Variants in MAF observed in about 807,000 individuals in gnomAD.
MAF encodes MAF bZIP transcription factor, also known as transcription factor Maf.
MAF carries 10 observed loss-of-function variants against 22.0 expected under a neutral mutation model. The observed-to-expected ratio is 0.45, with a 90% CI of 0.28 to 0.77. The LOEUF (loss-of-function observed/expected upper bound fraction) is 0.77, where lower values mean the gene tolerates loss of function less well. Ranked by LOEUF, MAF falls within the 30% of genes least tolerant of loss-of-function variation. The pLI is 0.12. For missense variants in MAF, 544 were observed against 548.4 expected, an observed-to-expected ratio of 0.99 and a Z score of 0.08; for synonymous variants, 337 against 255.8, an observed-to-expected ratio of 1.32 and a Z score of -3.03.
the MAF span, among the ~76,000 whole-genome samples, chr16:79,521,499 T>C: frequency 6.6e-6 from 1 of 152,264 alleles, no homozygotes; most frequent in African/African-American, 2.4e-5. Context: ...GTTCTTCCTG[T>C]GGTGGACTTC....
the MAF span, among the ~76,000 whole-genome samples, chr16:79,509,264 C>T: frequency 2.0e-5 from 3 of 152,122 alleles, no homozygotes; most frequent in African/African-American, 7.2e-5. Context: ...GAAGTGGAGA[C>T]GTGAACCATG....
the MAF span, among the ~76,000 whole-genome samples, chr16:79,223,299 G>C: frequency 6.6e-6 from 1 of 152,008 alleles, no homozygotes; most frequent in African/African-American, 2.4e-5. Context: ...CAGAAATAAA[G>C]TTCTTTCAAA....
the MAF span, among the ~76,000 whole-genome samples, chr16:79,579,942 C>A: frequency 6.6e-6 from 1 of 152,168 alleles, no homozygotes; most frequent in East Asian, 1.9e-4. Context: ...CCTACCAATA[C>A]TTGAGAAAAT....
the MAF span, among the ~76,000 whole-genome samples, chr16:79,334,905 G>GA: frequency 6.6e-6 from 1 of 151,896 alleles, no homozygotes; most frequent in Non-Finnish European, 1.5e-5. Context: ...CATACATAGA[G>GA]GCTGGGTGCA....
At chr16:79,356,127 C>A in the MAF span, among the ~76,000 whole-genome samples, 1 of 152,188 alleles carries the variant, frequency 6.6e-6, no homozygotes, top group East Asian at 1.9e-4. Flanking sequence ...ACACTCAATG[C>A]ACTTATGCAT....
At chr16:79,384,402 G>C in the MAF span, among the ~76,000 whole-genome samples, 10 of 142,108 alleles carry the variant, frequency 7.0e-5, no homozygotes, top group Non-Finnish European at 6.0e-5. Flanking sequence ...CCAAGATTAC[G>C]CTACTGTATC....
chr16:79,398,122 C>G, the MAF span, among the ~76,000 whole-genome samples: 2 of 152,136 alleles, frequency 1.3e-5, no homozygotes, highest in African/African-American at 4.8e-5. Flanking sequence ...CGGAGGCCAC[C>G]TGCATTCCTT....
the MAF span, among the ~76,000 whole-genome samples, chr16:79,286,554 G>A: frequency 6.6e-5 from 10 of 152,150 alleles, no homozygotes; most frequent in African/African-American, 2.4e-4. Context: ...ACGTGTATAT[G>A]TGCATGCACA....
At chr16:79,530,821 G>C in the MAF span, among the ~76,000 whole-genome samples, 1 of 152,176 alleles carries the variant, frequency 6.6e-6, no homozygotes, top group Non-Finnish European at 1.5e-5. Context: ...TTATCCTGGA[G>C]ATAGTAAAAC....
the MAF span, among the ~76,000 whole-genome samples, chr16:79,382,577 A>G: frequency 6.6e-6 from 1 of 152,218 alleles, no homozygotes; most frequent in Non-Finnish European, 1.5e-5. Flanking sequence ...AGAATGGCAC[A>G]CCTGATCAGA....
chr16:79,381,795 A>G, the MAF span, among the ~76,000 whole-genome samples: 3 of 152,128 alleles, frequency 2.0e-5, no homozygotes, highest in African/African-American at 7.2e-5. Flanking sequence ...GCCTTGGAGA[A>G]CACATTGGCC....
the MAF span, among the ~76,000 whole-genome samples, chr16:79,363,942 C>T: frequency 6.6e-6 from 1 of 152,158 alleles, no homozygotes; most frequent in East Asian, 1.9e-4. Context: ...AGATGCTACC[C>T]ATCCAGCCTG....
At chr16:79,355,335 T>C in the MAF span, among the ~76,000 whole-genome samples, 3 of 152,208 alleles carry the variant, frequency 2.0e-5, no homozygotes, top group Non-Finnish European at 4.4e-5. Context: ...CCAGGTCAGA[T>C]GTAGCTCAGG....
At chr16:79,247,647 T>A in the MAF span, among the ~76,000 whole-genome samples, 2 of 152,178 alleles carry the variant, frequency 1.3e-5, no homozygotes, top group Admixed American at 6.5e-5. Flanking sequence ...GCTTAGCCGG[T>A]CTTACCACTG....
intron 1 of MAF, among the ~76,000 whole-genome samples, chr16:79,586,733 T>C (rs1912865854): frequency 6.6e-6 from 1 of 152,220 alleles, no homozygotes; most frequent in Admixed American, 6.5e-5. Context: ...TCCAATATTT[T>C]CCAGACAGCA....
the MAF span, among the ~76,000 whole-genome samples, chr16:79,484,664 C>T: frequency 1.3e-5 from 2 of 152,106 alleles, no homozygotes; most frequent in East Asian, 1.9e-4. Flanking sequence ...CTCGTTGGTC[C>T]AGCTTTGGGC....
chr16:79,244,286 G>A, the MAF span, among the ~76,000 whole-genome samples: 3 of 152,110 alleles, frequency 2.0e-5, no homozygotes, highest in Non-Finnish European at 1.5e-5. Flanking sequence ...GTCTCTGTTT[G>A]CAGATGACAT....
At chr16:79,211,765 T>G in the MAF span, 2 of 1,613,970 alleles carry the variant, frequency 1.2e-6, no homozygotes, top group Non-Finnish European at 1.7e-6. Flanking sequence ...GAGAGGCTGA[T>G]CCAAGAACGG....
At chr16:79,367,667 G>A in the MAF span, among the ~76,000 whole-genome samples, 1 of 152,154 alleles carries the variant, frequency 6.6e-6, no homozygotes, top group African/African-American at 2.4e-5. Flanking sequence ...TGGAAAGGTA[G>A]TCAGTGTGGC....
Sources: allele counts gnomAD v4.1 joint callset (sites outside exome capture counted in the v4.1 genomes callset), GRCh38; gene constraint gnomAD v4.1.1; transcripts MANE v1.5; gene names NCBI Gene and HGNC (gene_info 2026-07-23, HGNC 2026-07-21).